EZH1: variants seen among roughly 807,000 people sequenced by gnomAD.
EZH1 encodes enhancer of zeste 1 polycomb repressive complex 2 subunit, also known as histone-lysine N-methyltransferase EZH1.
Under a neutral mutation model 100.5 loss-of-function variants are expected in EZH1, and 33 were observed. The ratio of observed to expected loss-of-function variants is 0.33; its 90% CI spans 0.25 to 0.44. The LOEUF is 0.44. EZH1 is among the 20% of genes least tolerant of loss of function. The pLI is 1.00. For missense variants in EZH1, 475 were observed against 928.4 expected (o/e 0.51, Z 6.35); for synonymous variants, 272 against 313.8 (o/e 0.87, Z 1.41).
intron 12 of EZH1, 86 bp downstream of exon 12, chr17:42,712,201 GAC>G (rs1001831597): frequency 2.1e-6 from 3 of 1,399,088 alleles, no homozygotes; most frequent in Non-Finnish European, 2.9e-6. Flanking sequence ...TCCAGACCCA[GAC>G]ACACAGCCTG....
intron 3 of EZH1, among the ~76,000 whole-genome samples, chr17:42,728,044 T>C (rs977833265): frequency 2.0e-5 from 3 of 151,430 alleles, no homozygotes. Context: ...TTGAAACTCC[T>C]GGCCTCAAGT....
intron 1 of EZH1, among the ~76,000 whole-genome samples, chr17:42,734,599 G>A (rs2054027164): frequency 6.6e-6 from 1 of 151,222 alleles, no homozygotes; most frequent in Non-Finnish European, 1.5e-5. Flanking sequence ...GCATGGGGAG[G>A]TAGAGGCTGC....
At chr17:42,735,314 T>C (rs2054045202) in intron 1 of EZH1, among the ~76,000 whole-genome samples, 1 of 151,026 alleles carries the variant, frequency 6.6e-6, no homozygotes, top group South Asian at 2.1e-4. Flanking sequence ...AACTCAGCCA[T>C]AAGATGAGTT....
rs1208054831 is a variant in EZH1 at position 42,701,087 on chromosome 17, A to C, written c.*1445T>G. 1 of 152,748 alleles carries C rather than the reference A, an allele frequency of 6.5e-6. No homozygotes were observed. Among genetic ancestry groups the C allele is most frequent in the Non-Finnish European group, 1.5e-5 (1 of 68,326 alleles). The allele number at this position is 152,748 out of a possible 1,614,324, so 9.5% of individuals were successfully genotyped here. ...TGTTCCCAGCCAGCCCGGCACACCC[A>C]CCATGGACACAGGGCAGCTCTTGCT... On this transcript the variant is annotated 3_prime_UTR_variant, in exon 21 of 21. Transcript: ENST00000428826.
chr17:42,735,579 G>A (rs1233074408), intron 1 of EZH1, among the ~76,000 whole-genome samples: 1 of 151,936 alleles, frequency 6.6e-6, no homozygotes, highest in African/African-American at 2.4e-5. Context: ...CTTTCATTAT[G>A]TTCATCTACA....
chr17:42,730,752 T>C, intron 2 of EZH1, 76 bp downstream of exon 2: 1 of 634,920 alleles, frequency 1.6e-6, no homozygotes, highest in Non-Finnish European at 2.0e-6. Context: ...CGCCTTGGCC[T>C]CCCAAAGTGC....
chr17:42,721,543 T>C (rs954386478), intron 6 of EZH1, among the ~76,000 whole-genome samples: 9 of 152,186 alleles, frequency 5.9e-5, no homozygotes, highest in Admixed American at 5.2e-4. Flanking sequence ...AACTTATTTG[T>C]ACAATAAACT....
In EZH1 at chr17:42,702,307, G is replaced by A. The variant is rs770778887; in HGVS notation, c.*225C>T. The A allele has an allele frequency of 2.0e-5, 9 of 445,362 alleles. No individual in the cohort carries two copies. The highest frequency in any genetic ancestry group is 3.2e-5 in the Non-Finnish European group (8 of 249,238). 27.6% of individuals were successfully genotyped at this position (445,362 alleles called of 1,614,324 possible). Reference sequence around the variant, plus strand: ...GCCAGAGAAACAGTCTCCCATTTCTGTAACTCTCTGTCCTGGGAGACCAAG... The same window carrying A: ...GCCAGAGAAACAGTCTCCCATTTCTATAACTCTCTGTCCTGGGAGACCAAG... On this transcript the variant is annotated 3_prime_UTR_variant, in exon 21 of 21. Transcript: ENST00000428826.
intron 1 of EZH1, among the ~76,000 whole-genome samples, chr17:42,733,313 G>A (rs1008393478): frequency 2.0e-5 from 3 of 150,292 alleles, no homozygotes; most frequent in Non-Finnish European, 3.0e-5. Context: ...CTCCAGCCTG[G>A]GCAACAAGAG....
chr17:42,702,270 GCTT>G lies in EZH1; in HGVS notation c.*259_*261del, dbSNP rs2143698525. 2.4e-6 allele frequency: 1 copy of G among 409,678 alleles called. No individual in the cohort carries two copies. Among genetic ancestry groups the G allele is most frequent in the East Asian group, 3.5e-5 (1 of 28,706 alleles). The allele number at this position is 409,678 out of a possible 1,614,324, so 25.4% of individuals were successfully genotyped here. On this transcript the variant is annotated 3_prime_UTR_variant, in exon 21 of 21. Transcript: ENST00000428826. Reference sequence around the variant, plus strand: ...AAGTCATCCACCCCAGCCTGTGCTCGCTTCTTCTGAGGCCAGAGAAACAGTCTC... The same window carrying G: ...AAGTCATCCACCCCAGCCTGTGCTCGCTTCTGAGGCCAGAGAAACAGTCTC...
chr17:42,705,269 G>A, intron 16 of EZH1, 86 bp from the exon 17 acceptor site: 1 of 680,992 alleles, frequency 1.5e-6, no homozygotes, highest in Non-Finnish European at 2.7e-6. Flanking sequence ...TGGTGGGGGT[G>A]GGGTGGAAAG....
chr17:42,737,354 AC>A (rs2054085530), intron 1 of EZH1, among the ~76,000 whole-genome samples: 1 of 152,312 alleles, frequency 6.6e-6, no homozygotes, highest in South Asian at 2.1e-4. Flanking sequence ...AAATTCCAAC[AC>A]TTTTGGAGGC....
intron 10 of EZH1, among the ~76,000 whole-genome samples, chr17:42,716,190 T>C (rs533884770): frequency 7.0e-4 from 107 of 152,026 alleles, no homozygotes; most frequent in African/African-American, 2.5e-3. Context: ...ATTAATAGAA[T>C]GGGTAATAGA....
intron 6 of EZH1, among the ~76,000 whole-genome samples, chr17:42,722,109 A>G (rs1597845639): frequency 7.2e-6 from 1 of 139,516 alleles, no homozygotes; most frequent in South Asian, 2.4e-4. Context: ...AGATTGTGCC[A>G]CTGCGCTCCA....
chr17:42,704,944 T>C (rs2053322118), intron 17 of EZH1, 144 bp downstream of exon 17: 3 of 716,006 alleles, frequency 4.2e-6, no homozygotes, highest in African/African-American at 1.8e-5. Flanking sequence ...CTGCAAACGG[T>C]TCTGTGGGAT....
intron 1 of EZH1, 102 bp downstream of exon 1, chr17:42,744,909 T>TCCAATTTCCTGATCCCTC: frequency 8.4e-7 from 1 of 1,188,380 alleles, no homozygotes; most frequent in Admixed American, 2.9e-5. Flanking sequence ...TCGGATTCCT[T>TCCAATTTCCTGATCCCTC]CCAATTTCCT....
At chr17:42,712,263 T>C in intron 12 of EZH1, 26 bp downstream of exon 12, 1 of 1,608,928 alleles carries the variant, frequency 6.2e-7, no homozygotes, top group Non-Finnish European at 8.5e-7. Flanking sequence ...GAGGGGCCCA[T>C]TTGTTCTGCT....
intron 16 of EZH1, among the ~76,000 whole-genome samples, chr17:42,705,403 T>C (rs2053332429): frequency 6.6e-6 from 1 of 152,352 alleles, no homozygotes; most frequent in Admixed American, 6.5e-5. Flanking sequence ...CCTTTATCCA[T>C]GGAGCCCTCC....
At chr17:42,717,809 T>C (rs145623360) in intron 10 of EZH1, among the ~76,000 whole-genome samples, 167 bp downstream of exon 10, 16 of 152,284 alleles carry the variant, frequency 1.1e-4, no homozygotes, top group Non-Finnish European at 1.9e-4. Context: ...AGTGCTACCA[T>C]GTCTGGGGAG....
Sources: allele counts gnomAD v4.1 joint callset (sites outside exome capture counted in the v4.1 genomes callset), GRCh38; gene constraint gnomAD v4.1.1; transcripts MANE v1.5; gene names NCBI Gene and HGNC (gene_info 2026-07-23, HGNC 2026-07-21).